STAG1: variants seen among roughly 807,000 people sequenced by gnomAD.
The protein encoded by STAG1 is cohesin subunit SA-1.
STAG1 carries 26 observed loss-of-function variants against 170.9 expected under a neutral mutation model. The observed-to-expected ratio is 0.15, with a 90% CI of 0.11 to 0.21. The LOEUF (loss-of-function observed/expected upper bound fraction) is 0.21, where lower values mean the gene tolerates loss of function less well. Ranked by LOEUF, STAG1 falls within the 10% of genes least tolerant of loss-of-function variation. STAG1 has a pLI of 1.00. For missense variants in STAG1, 964 were observed against 1,509.5 expected (o/e 0.64, Z 5.99); for synonymous variants, 514 against 497.7 (o/e 1.03, Z -0.44).
At chr3:136,455,276 C>T (rs772403144) in intron 13 of STAG1, among the ~76,000 whole-genome samples, 1 of 152,122 alleles carries the variant, frequency 6.6e-6, no homozygotes, top group Non-Finnish European at 1.5e-5. Context: ...CCTGAATATG[C>T]TAGAACTCTG....
intron 4 of STAG1, chr3:136,591,466 A>G (rs1014887980): frequency 2.4e-4 from 72 of 301,686 alleles, no homozygotes; most frequent in African/African-American, 8.3e-4. Context: ...GCTACTCGAG[A>G]GGCTCAGGCC....
chr3:136,406,492 T>C (rs1270348295), intron 21 of STAG1, among the ~76,000 whole-genome samples: 4 of 152,096 alleles, frequency 2.6e-5, no homozygotes, highest in South Asian at 2.1e-4. Flanking sequence ...ACTACAAAAA[T>C]CTAAACACAT....
chr3:136,685,370 A>C (rs1270482467), intron 1 of STAG1, among the ~76,000 whole-genome samples: 1 of 151,350 alleles, frequency 6.6e-6, no homozygotes, highest in East Asian at 1.9e-4. Context: ...CACCAAGAAA[A>C]TGAACCCAAT....
intron 1 of STAG1, among the ~76,000 whole-genome samples, chr3:136,682,751 A>T (rs572749564): frequency 1.3e-5 from 2 of 152,320 alleles, no homozygotes; most frequent in Non-Finnish European, 2.9e-5. Context: ...CCAATGATCC[A>T]GCAATTCCAC....
chr3:136,746,274 T>C (rs1576844011), intron 1 of STAG1, among the ~76,000 whole-genome samples: 1 of 152,304 alleles, frequency 6.6e-6, no homozygotes, highest in East Asian at 1.9e-4. Context: ...ACCAAGCCCC[T>C]ATTATATCAT....
chr3:136,403,246 A>G lies in STAG1; in HGVS notation c.2197-4417T>C, dbSNP rs1356821185. Among the ~76,000 whole-genome samples, 508 of 149,532 alleles carry G rather than the reference A, an allele frequency of 3.4e-3. 2 individuals carry two copies. The highest frequency in any genetic ancestry group is 6.1e-3 in the Non-Finnish European group (407 of 67,184). On this transcript the variant is annotated intron_variant, in intron 21 of 33. Coordinates refer to ENST00000383202, the MANE Select transcript of STAG1 (RefSeq NM_005862.3). ...TCTTAAAAAAAAAAAAAAAAAAAAA[A>G]AAAAAAAGAAAAGAAAAGAAAAAAA...
chr3:136,360,915 G>T (rs777678808), intron 26 of STAG1, among the ~76,000 whole-genome samples: 1 of 152,074 alleles, frequency 6.6e-6, no homozygotes, highest in Non-Finnish European at 1.5e-5. Flanking sequence ...TGATCTGCCC[G>T]CCTCAGCCTC....
chr3:136,371,946 C>T (rs1371062005), intron 23 of STAG1, among the ~76,000 whole-genome samples: 1 of 152,162 alleles, frequency 6.6e-6, no homozygotes, highest in East Asian at 1.9e-4. Context: ...TTACCCTGGG[C>T]AGTACGGCCA....
At position 136,414,275 on chromosome 3, in the gene STAG1, G is replaced by C. The variant is rs373623945; in HGVS notation, c.2196+3610C>G. The stretch of plus-strand genomic sequence containing the variant: ...CTCCACAGACCTTCTTTCAAAACTG[G>C]AGACAACCCTCTCCCACCCTTGTCA... On this transcript the variant is annotated intron_variant, in intron 21 of 33. Transcript: ENST00000383202. Among the ~76,000 whole-genome samples, 13 of 152,272 alleles carry C rather than the reference G, an allele frequency of 8.5e-5. No individual in the cohort carries two copies. In the South Asian group the frequency reaches 1.5e-3, roughly 17 times the overall value.
chr3:136,411,411 C>T (rs2087619716), intron 21 of STAG1, among the ~76,000 whole-genome samples: 1 of 151,892 alleles, frequency 6.6e-6, no homozygotes. Flanking sequence ...AAAATAGGAA[C>T]AAAGTCACAA....
At chr3:136,463,265 A>G (rs1177547416) in intron 13 of STAG1, among the ~76,000 whole-genome samples, 1 of 151,874 alleles carries the variant, frequency 6.6e-6, no homozygotes, top group Non-Finnish European at 1.5e-5. Flanking sequence ...GAGATTTCTT[A>G]CATAGAAATA....
chr3:136,603,314 C>T (rs1240819767), intron 4 of STAG1, among the ~76,000 whole-genome samples: 1 of 151,636 alleles, frequency 6.6e-6, no homozygotes, highest in Non-Finnish European at 1.5e-5. Context: ...GTACACTTCT[C>T]GTGAAAGGTG....
intron 13 of STAG1, among the ~76,000 whole-genome samples, chr3:136,457,373 T>G (rs556913087): frequency 6.6e-6 from 1 of 152,252 alleles, no homozygotes; most frequent in East Asian, 1.9e-4. Flanking sequence ...AAGAAAATAG[T>G]AAACTGTCAC....
At chr3:136,531,710 T>C (rs942950026) in intron 6 of STAG1, among the ~76,000 whole-genome samples, 2 of 135,030 alleles carry the variant, frequency 1.5e-5, no homozygotes, top group Admixed American at 8.4e-5. Context: ...AATTGAACAA[T>C]GAGATCACAT....
chr3:136,673,532 G>A (rs928152767), intron 1 of STAG1, among the ~76,000 whole-genome samples: 2 of 152,136 alleles, frequency 1.3e-5, no homozygotes, highest in African/African-American at 4.8e-5. Flanking sequence ...TTGATGTGTG[G>A]TTTGAAAAAC....
At chr3:136,456,615 CCAAATCTGGAGAAAGA>C (rs2089119549) in intron 13 of STAG1, among the ~76,000 whole-genome samples, 1 of 152,064 alleles carries the variant, frequency 6.6e-6, no homozygotes, top group Non-Finnish European at 1.5e-5. Flanking sequence ...TGAAAATTCC[CCAAATCTGGAGAAAGA>C]CAACAGCATC....
At chr3:136,415,825 C>T (rs772761823) in intron 21 of STAG1, among the ~76,000 whole-genome samples, 4 of 151,944 alleles carry the variant, frequency 2.6e-5, no homozygotes, top group Non-Finnish European at 4.4e-5. Flanking sequence ...CGGTCTCAAA[C>T]AAACAAACAA....
intron 6 of STAG1, among the ~76,000 whole-genome samples, chr3:136,533,370 CT>C (rs1048378731): frequency 7.9e-5 from 12 of 151,674 alleles, no homozygotes; most frequent in East Asian, 5.8e-4. Flanking sequence ...ACTGTGTCGC[CT>C]TTTTTTTATT....
At chr3:136,357,945 C>G in intron 27 of STAG1, 97 bp from the exon 28 acceptor site, 3 of 1,007,532 alleles carry the variant, frequency 3.0e-6, no homozygotes, top group Admixed American at 5.4e-5. Context: ...GTAAAATTAT[C>G]ACAAAAGGTA....
Sources: allele counts gnomAD v4.1 joint callset (sites outside exome capture counted in the v4.1 genomes callset), GRCh38; gene constraint gnomAD v4.1.1; transcripts MANE v1.5; gene names NCBI Gene and HGNC (gene_info 2026-07-23, HGNC 2026-07-21).